MYOM1: variants seen among roughly 807,000 people sequenced by gnomAD.
The protein encoded by MYOM1 is myomesin-1.
A neutral mutation model predicts 205.3 loss-of-function variants in MYOM1; 164 were observed. The ratio of observed to expected loss-of-function variants is 0.80; its 90% confidence interval spans 0.70 to 0.91. MYOM1 has a LOEUF of 0.91. Ranked by LOEUF, MYOM1 falls within the 40% of genes least tolerant of loss-of-function variation. The pLI, the probability that MYOM1 is intolerant of heterozygous loss-of-function variation, is 0.00. For synonymous variants in MYOM1, 772 were observed against 789.4 expected (o/e 0.98, Z 0.37); for missense variants, 2,011 against 2,127.3 (o/e 0.95, Z 1.08).
At chr18:3,196,885 C>A (rs867842499) in intron 2 of MYOM1, among the ~76,000 whole-genome samples, 3 of 152,174 alleles carry the variant, frequency 2.0e-5, no homozygotes, top group Admixed American at 6.5e-5. Flanking sequence ...AATATCATAA[C>A]CACCTACTTG....
At chr18:3,197,282 G>A (rs536510605) in intron 2 of MYOM1, among the ~76,000 whole-genome samples, 53 of 151,942 alleles carry the variant, frequency 3.5e-4, no homozygotes, top group African/African-American at 6.3e-4. Context: ...GATTACAGGC[G>A]CACGCCACCA....
Position 3,086,150 on chromosome 18 carries a change from A to G in MYOM1, c.4139T>C (p.Val1380Ala). 1 of 1,570,116 alleles carries G rather than the reference A, an allele frequency of 6.4e-7. No individual in the cohort carries two copies. Among genetic ancestry groups the G allele is most frequent in the Non-Finnish European group, 8.7e-7 (1 of 1,153,642 alleles). Residue 1380 changes from valine (V) to alanine (A), a missense_variant and splice_region_variant, in exon 30 of 38, where the codon GTG becomes GCG. Transcript: ENST00000356443. ...GECNVLLKCK[V>A]ANIKKETHIV... is the part of the protein sequence containing the mutation. ...ATGAGTCTCCTTCTTAATATTTGCC[A>G]CCTAGGAGAAAAACCATAATTACTT...
intron 3 of MYOM1, 86 bp downstream of exon 3, chr18:3,193,732 A>G: frequency 4.4e-6 from 6 of 1,370,816 alleles, no homozygotes; most frequent in Non-Finnish European, 5.9e-6. Context: ...ATCTGTCCAC[A>G]ACAATTATGA....
chr18:3,245,830 G>T, the MYOM1 span: 22,398 of 152,118 alleles, frequency 0.15, 1,714 homozygotes, highest in East Asian at 0.17. Context: ...ACAAGTTTAC[G>T]CTTCGTTTGT....
chr18:3,199,705 TG>T (rs1471031848), intron 2 of MYOM1, among the ~76,000 whole-genome samples: 3 of 152,302 alleles, frequency 2.0e-5, no homozygotes, highest in African/African-American at 7.2e-5. Context: ...CTAGGCATGG[TG>T]GCACATGCCT....
chr18:3,221,028 T>C (rs2081324401), upstream of MYOM1, among the ~76,000 whole-genome samples: 1 of 152,184 alleles, frequency 6.6e-6, no homozygotes, highest in Admixed American at 6.5e-5. Context: ...ATCAAAATTG[T>C]TTTTCTTTCT....
intron 29 of MYOM1, among the ~76,000 whole-genome samples, chr18:3,086,537 T>TAATA (rs2079156421): frequency 1.3e-5 from 2 of 152,156 alleles, no homozygotes; most frequent in African/African-American, 4.8e-5. Context: ...ACAAATGGCT[T>TAATA]TATTAAAGGA....
intron 1 of MYOM1, among the ~76,000 whole-genome samples, chr18:3,216,161 C>T (rs575143583): frequency 1.3e-5 from 2 of 152,162 alleles, no homozygotes; most frequent in East Asian, 1.9e-4. Flanking sequence ...CCAGCTACTC[C>T]GGTGGCTGAG....
intron 2 of MYOM1, among the ~76,000 whole-genome samples, chr18:3,212,969 G>A (rs563562083): frequency 3.3e-5 from 5 of 152,310 alleles, no homozygotes; most frequent in African/African-American, 7.2e-5. Flanking sequence ...TTGAGACTGC[G>A]AAGTGATCCT....
chr18:3,210,180 T>C (rs971333038), intron 2 of MYOM1, among the ~76,000 whole-genome samples: 1 of 152,240 alleles, frequency 6.6e-6, no homozygotes, highest in Non-Finnish European at 1.5e-5. Context: ...GCAGATTTCT[T>C]TGGTAACACA....
Position 3,164,212 on chromosome 18 carries a change from T to C in MYOM1, c.1501+66A>G, listed in dbSNP as rs560272886. On this transcript the variant is annotated intron_variant, in intron 10 of 37. Coordinates refer to ENST00000356443, the MANE Select transcript of MYOM1 (RefSeq NM_003803.4). ...GAAACATGTTTGAACTGTTTTGTAA[T>C]CAAAAACTGCTTTGGCTTCAGTGTA... 396 of 1,523,370 alleles carry C rather than the reference T, an allele frequency of 2.6e-4. 2 individuals carry two copies. The South Asian group carries it at 4.5e-3, about 17-fold the overall frequency. 94.4% of individuals were successfully genotyped at this position (1,523,370 alleles called of 1,614,324 possible).
intron 16 of MYOM1, 45 bp from the exon 17 acceptor site, chr18:3,131,541 TA>T: frequency 6.3e-7 from 1 of 1,575,456 alleles, no homozygotes; most frequent in Non-Finnish European, 8.7e-7. Context: ...GGAGGAAGAT[TA>T]AGGAAGATGA....
intron 11 of MYOM1, among the ~76,000 whole-genome samples, chr18:3,154,646 C>CAT (rs1424743121): frequency 4.8e-4 from 59 of 122,550 alleles, no homozygotes; most frequent in African/African-American, 1.8e-3. Context: ...CACACACACA[C>CAT]ACACATTTAT....
At chr18:3,245,056 C>A in the MYOM1 span, among the ~76,000 whole-genome samples, 3 of 151,910 alleles carry the variant, frequency 2.0e-5, no homozygotes, top group African/African-American at 4.8e-5. Flanking sequence ...GGCCTTCAAT[C>A]GAATTGGCCA....
At chr18:3,180,132 T>A (rs1341717327) in intron 5 of MYOM1, among the ~76,000 whole-genome samples, 3 of 152,136 alleles carry the variant, frequency 2.0e-5, no homozygotes, top group Non-Finnish European at 4.4e-5. Context: ...TCCATGACTG[T>A]AAAAAATGAA....
chr18:3,161,923 T>C (rs934708765), intron 10 of MYOM1, among the ~76,000 whole-genome samples: 3 of 152,190 alleles, frequency 2.0e-5, no homozygotes, highest in African/African-American at 7.2e-5. Flanking sequence ...TAGAGGTCCT[T>C]CTGAGAGTAA....
intron 2 of MYOM1, among the ~76,000 whole-genome samples, chr18:3,200,769 T>C (rs543996399): frequency 2.6e-5 from 4 of 152,242 alleles, no homozygotes; most frequent in African/African-American, 9.6e-5. Flanking sequence ...ATATGAGTAA[T>C]GGCAGTGCCA....
chr18:3,195,197 C>T (rs1319908994), intron 2 of MYOM1, among the ~76,000 whole-genome samples: 1 of 152,252 alleles, frequency 6.6e-6, no homozygotes, highest in African/African-American at 2.4e-5. Context: ...ACATGCAGGG[C>T]AGGCAGCGGC....
intron 17 of MYOM1, 143 bp from the exon 18 acceptor site, chr18:3,129,662 C>T: frequency 1.3e-6 from 1 of 785,062 alleles, no homozygotes; most frequent in Non-Finnish European, 1.9e-6. Flanking sequence ...CTCACATTTG[C>T]AAGAAATATG....
Sources: gnomAD v4.1 joint callset for allele counts (sites outside exome capture counted in the v4.1 genomes callset) on GRCh38, gnomAD v4.1.1 for gene constraint, MANE v1.5 for transcripts, NCBI Gene and HGNC (gene_info 2026-07-23, HGNC 2026-07-21) for gene names.